TRIM2: variants seen among roughly 807,000 people sequenced by gnomAD.
TRIM2 encodes tripartite motif containing 2.
TRIM2 carries 20 observed loss-of-function variants against 75.2 expected under a neutral mutation model. The observed-to-expected ratio is 0.27, with a 90% CI of 0.19 to 0.39. TRIM2 has a LOEUF of 0.39. Ranked by LOEUF, TRIM2 falls within the 10% of genes least tolerant of loss-of-function variation. The pLI, the probability that TRIM2 is intolerant of heterozygous loss-of-function variation, is 1.00. For synonymous variants in TRIM2, 373 were observed against 388.3 expected (o/e 0.96, Z 0.46); for missense variants, 660 against 990.8 (o/e 0.67, Z 4.48).
At chr4:153,251,639 T>C (rs1022584777) in intron 1 of TRIM2, among the ~76,000 whole-genome samples, 1 of 152,208 alleles carries the variant, frequency 6.6e-6, no homozygotes, top group African/African-American at 2.4e-5. Context: ...ATACCTTTAT[T>C]ATTTCTTTGT....
chr4:153,227,874 C>T (rs1742571038), intron 1 of TRIM2, among the ~76,000 whole-genome samples: 1 of 152,160 alleles, frequency 6.6e-6, no homozygotes, highest in Non-Finnish European at 1.5e-5. Flanking sequence ...GTGTTTAGTA[C>T]TCTCCTCGGT....
chr4:153,326,743 C>T (rs564740278), intron 10 of TRIM2, among the ~76,000 whole-genome samples: 17 of 152,290 alleles, frequency 1.1e-4, no homozygotes, highest in South Asian at 1.0e-3. Flanking sequence ...CACTCTGGGA[C>T]GCCAAGGCGG....
chr4:153,152,412 A>ATATATATATATATACACATATATATGTG (rs1553955547), upstream of TRIM2: 6 of 42,688 alleles, frequency 1.4e-4, no homozygotes, highest in Non-Finnish European at 4.6e-4. Context: ...ATGTGTGTAT[A>ATATATATATATATACACATATATATGTG]TATATATATA....
At chr4:153,217,480 G>A (rs1738800885) in intron 1 of TRIM2, among the ~76,000 whole-genome samples, 1 of 152,216 alleles carries the variant, frequency 6.6e-6, no homozygotes, top group Non-Finnish European at 1.5e-5. Flanking sequence ...AACTGAGGGA[G>A]TCAGTGCAAG....
chr4:153,319,602 C>T (rs144200809), intron 8 of TRIM2, among the ~76,000 whole-genome samples: 1,893 of 152,036 alleles, frequency 0.012, 32 homozygotes, highest in African/African-American at 0.043. Flanking sequence ...TGGTGATGGG[C>T]GCCTGTAATC....
At chr4:153,179,942 A>G (rs1443040811) in intron 1 of TRIM2, among the ~76,000 whole-genome samples, 2 of 152,128 alleles carry the variant, frequency 1.3e-5, no homozygotes, top group East Asian at 3.8e-4. Context: ...TGCTAAATCT[A>G]TACGGTTAAT....
intron 1 of TRIM2, among the ~76,000 whole-genome samples, chr4:153,167,977 G>A (rs1730473803): frequency 6.6e-6 from 1 of 152,124 alleles, no homozygotes; most frequent in African/African-American, 2.4e-5. Context: ...ATAAAAACAT[G>A]TACTTTATGA....
intron 1 of TRIM2, among the ~76,000 whole-genome samples, chr4:153,246,811 C>T (rs1408784382): frequency 6.6e-6 from 1 of 152,202 alleles, no homozygotes; most frequent in Non-Finnish European, 1.5e-5. Flanking sequence ...GGTCAGGCCT[C>T]ACCTGACCGT....
Position 153,321,945 on chromosome 4 carries a change from A to G in TRIM2, c.1783-703A>G, listed in dbSNP as rs531672343. On this transcript the variant is annotated intron_variant, in intron 8 of 11. Coordinates refer to ENST00000338700, the MANE Select transcript of TRIM2 (RefSeq NM_015271.5). ...AGGAATCTGAAGTTTAAGGAAATGA[A>G]ATCCATCTGTGCTATTCCAGGTGTG... Among the ~76,000 whole-genome samples, 497 of 152,296 alleles carry G rather than the reference A, an allele frequency of 3.3e-3. 2 individuals are homozygous for G. The highest frequency in any genetic ancestry group is 5.1e-3 in the Non-Finnish European group (348 of 68,024).
At chr4:153,272,267 G>T (rs1756890693) in intron 2 of TRIM2, among the ~76,000 whole-genome samples, 1 of 151,854 alleles carries the variant, frequency 6.6e-6, no homozygotes, top group Admixed American at 6.6e-5. Flanking sequence ...TCCTGCCTCA[G>T]CCTCCTGAGT....
At chr4:153,260,700 C>CACACACA (rs1301070288) in intron 1 of TRIM2, among the ~76,000 whole-genome samples, 3 of 67,918 alleles carry the variant, frequency 4.4e-5, no homozygotes, top group South Asian at 8.8e-4. Context: ...ACCCCCCCCC[C>CACACACA]CACACACACA....
rs111419198 is a variant in TRIM2 at position 153,329,430 on chromosome 4, C to T, written c.2163+760C>T. ...AACAATGCTGAGAGGGAAATTAATA[C>T]GCTAAATGCTTCTATTAGAAAAGAG... On this transcript the variant is annotated intron_variant, in intron 11 of 11. Transcript: ENST00000338700. Among the ~76,000 whole-genome samples the T allele has an allele frequency of 6.4e-3, 968 of 151,808 alleles. 3 individuals carry two copies. Among genetic ancestry groups the T allele is most frequent in the Non-Finnish European group, 0.012 (791 of 67,934 alleles).
chr4:153,169,639 T>C (rs1241053736), intron 1 of TRIM2, among the ~76,000 whole-genome samples: 1 of 152,198 alleles, frequency 6.6e-6, no homozygotes, highest in Admixed American at 6.5e-5. Flanking sequence ...ATATGATGTT[T>C]TACTAAAAAA....
chr4:153,235,722 C>G (rs1744856363), intron 1 of TRIM2, among the ~76,000 whole-genome samples: 2 of 152,152 alleles, frequency 1.3e-5, no homozygotes, highest in Admixed American at 1.3e-4. Context: ...TCTTACAGAC[C>G]TGAATGTGTC....
At chr4:153,193,019 G>A (rs1382942625) in intron 1 of TRIM2, among the ~76,000 whole-genome samples, 1 of 151,604 alleles carries the variant, frequency 6.6e-6, no homozygotes, top group Non-Finnish European at 1.5e-5. Context: ...ATCTGTAATT[G>A]TCTGTCTACC....
chr4:153,330,049 C>T (rs1439462445), intron 11 of TRIM2, among the ~76,000 whole-genome samples: 1 of 152,122 alleles, frequency 6.6e-6, no homozygotes, highest in Non-Finnish European at 1.5e-5. Flanking sequence ...GTGAACAACT[C>T]TACATACACA....
chr4:153,195,706 A>G (rs1018376250), intron 1 of TRIM2, among the ~76,000 whole-genome samples: 7 of 152,082 alleles, frequency 4.6e-5, no homozygotes, highest in Non-Finnish European at 8.8e-5. Context: ...CTACCACTGT[A>G]TTTTGTTTCC....
upstream of TRIM2, chr4:153,152,406 G>GTATATATATA (rs1421478817): frequency 2.4e-4 from 8 of 33,594 alleles, no homozygotes; most frequent in East Asian, 7.1e-4. Context: ...ATATATATGT[G>GTATATATATA]TGTATATATA....
At chr4:153,247,822 C>CA (rs1237518409) in intron 1 of TRIM2, among the ~76,000 whole-genome samples, 4 of 151,508 alleles carry the variant, frequency 2.6e-5, no homozygotes, top group African/African-American at 7.3e-5. Context: ...TTCATATGCC[C>CA]AAAAAAACCC....
Sources: gnomAD v4.1 joint callset for allele counts (sites outside exome capture counted in the v4.1 genomes callset) on GRCh38, gnomAD v4.1.1 for gene constraint, MANE v1.5 for transcripts, NCBI Gene and HGNC (gene_info 2026-07-23, HGNC 2026-07-21) for gene names.